Variants in GRM7 observed in about 807,000 individuals in gnomAD.
GRM7 encodes glutamate metabotropic receptor 7, also known as metabotropic glutamate receptor 7.
Under a neutral mutation model 84.5 loss-of-function variants are expected in GRM7, and 35 were observed. The observed-to-expected ratio is 0.41, with a 90% CI of 0.32 to 0.55. GRM7 has a LOEUF of 0.55. Among genes scored for constraint, GRM7 ranks in the 20% least tolerant of loss-of-function variants. GRM7 has a pLI of 0.19. For synonymous variants in GRM7, 487 were observed against 455.1 expected, an observed-to-expected ratio of 1.07 and a Z score of -0.89; for missense variants, 1,003 against 1,194.6, an observed-to-expected ratio of 0.84 and a Z score of 2.36.
At chr3:7,552,491 G>T (rs920531152) in intron 7 of GRM7, among the ~76,000 whole-genome samples, 1 of 152,208 alleles carries the variant, frequency 6.6e-6, no homozygotes, top group African/African-American at 2.4e-5. Context: ...TGCCCTAGCA[G>T]AGGTCATTCA....
chr3:6,895,607 C>T (rs1696149315), intron 1 of GRM7, among the ~76,000 whole-genome samples: 1 of 152,086 alleles, frequency 6.6e-6, no homozygotes, highest in Admixed American at 6.6e-5. Context: ...TTGTTGGATA[C>T]CAAAGACCAC....
intron 4 of GRM7, among the ~76,000 whole-genome samples, chr3:7,363,248 A>G (rs929484296): frequency 3.3e-5 from 5 of 152,044 alleles, no homozygotes; most frequent in Admixed American, 1.3e-4. Flanking sequence ...ATAACAGTCT[A>G]TGTGAATCAC....
chr3:6,909,283 G>A (rs1029885554), intron 1 of GRM7, among the ~76,000 whole-genome samples: 5 of 152,064 alleles, frequency 3.3e-5, no homozygotes, highest in African/African-American at 1.2e-4. Flanking sequence ...TTGATTGGTG[G>A]TTACTCCAAA....
intron 9 of GRM7, among the ~76,000 whole-genome samples, chr3:7,695,902 T>G (rs1700997049): frequency 6.6e-6 from 1 of 152,214 alleles, no homozygotes; most frequent in Non-Finnish European, 1.5e-5. Context: ...ACTGGATACC[T>G]GTGGCTATTT....
chr3:7,599,769 A>T (rs557091139), intron 8 of GRM7, among the ~76,000 whole-genome samples: 1 of 152,140 alleles, frequency 6.6e-6, no homozygotes, highest in Non-Finnish European at 1.5e-5. Flanking sequence ...ACCTGATATC[A>T]TGAAGCCCTA....
chr3:7,599,850 G>A (rs528911970), intron 8 of GRM7, among the ~76,000 whole-genome samples: 1 of 152,044 alleles, frequency 6.6e-6, no homozygotes, highest in Non-Finnish European at 1.5e-5. Flanking sequence ...AGACTCAGAT[G>A]TACACGGTCG....
Position 6,951,286 on chromosome 3 carries a change from T to C in GRM7, c.519+89379T>C, listed in dbSNP as rs903890740. Among the ~76,000 whole-genome samples, 8 of 152,332 alleles carry C rather than the reference T, an allele frequency of 5.3e-5. No homozygotes were observed. The South Asian group carries it at 1.7e-3, about 32-fold the overall frequency. ...CCTTTTTAAAATTTTTATACTATCA[T>C]TTCAGGCTGATTTTTATTATTTTTT... On this transcript the variant is annotated intron_variant, in intron 1 of 9. Transcript: ENST00000357716.
At chr3:7,010,985 A>C (rs1695349133) in intron 1 of GRM7, among the ~76,000 whole-genome samples, 1 of 152,190 alleles carries the variant, frequency 6.6e-6, no homozygotes. Flanking sequence ...TGAGTTGAGA[A>C]CTAGCTTGAG....
At chr3:7,291,569 T>C (rs183869036) in intron 2 of GRM7, among the ~76,000 whole-genome samples, 67 of 148,402 alleles carry the variant, frequency 4.5e-4, no homozygotes, top group African/African-American at 1.5e-3. Flanking sequence ...CCTCCGTCTG[T>C]CTATTTTTAC....
At chr3:7,467,002 A>G (rs1050900149) in intron 7 of GRM7, among the ~76,000 whole-genome samples, 2 of 152,210 alleles carry the variant, frequency 1.3e-5, no homozygotes, top group African/African-American at 4.8e-5. Flanking sequence ...ATATAAAATC[A>G]TGTATAATGA....
intron 1 of GRM7, among the ~76,000 whole-genome samples, chr3:6,864,937 T>C (rs924372135): frequency 6.6e-6 from 1 of 152,342 alleles, no homozygotes; most frequent in Non-Finnish European, 1.5e-5. Context: ...ATTGAAGACA[T>C]AAGCTTAGCA....
intron 7 of GRM7, among the ~76,000 whole-genome samples, chr3:7,472,351 T>C (rs1698736967): frequency 1.6e-5 from 2 of 121,962 alleles, no homozygotes; most frequent in Non-Finnish European, 3.0e-5. Flanking sequence ...TATGAATGTG[T>C]AAATAGGAAT....
chr3:7,416,937 C>T (rs566576183), intron 5 of GRM7, among the ~76,000 whole-genome samples: 300 of 152,148 alleles, frequency 2.0e-3, no homozygotes, highest in Admixed American at 2.8e-3. Flanking sequence ...TTCTTTCTGA[C>T]ATTTTGTGTT....
intron 8 of GRM7, among the ~76,000 whole-genome samples, chr3:7,589,590 C>T (rs548577892): frequency 6.6e-5 from 10 of 152,086 alleles, no homozygotes; most frequent in Non-Finnish European, 1.5e-4. Context: ...TAAGAGGAGA[C>T]GTCCCATATT....
intron 6 of GRM7, among the ~76,000 whole-genome samples, chr3:7,460,019 C>T (rs140594600): frequency 7.0e-5 from 10 of 143,016 alleles, no homozygotes; most frequent in Admixed American, 2.3e-4. Flanking sequence ...AGATGGATAC[C>T]GAGGCAATTT....
chr3:7,235,521 A>T (rs1242227001), intron 2 of GRM7, among the ~76,000 whole-genome samples: 1 of 152,176 alleles, frequency 6.6e-6, no homozygotes, highest in Non-Finnish European at 1.5e-5. Flanking sequence ...AACTTTAAGG[A>T]GCTATGATAG....
chr3:6,893,805 GA>G (rs1197738444), intron 1 of GRM7: 1 of 152,046 alleles, frequency 6.6e-6, no homozygotes, highest in Non-Finnish European at 1.5e-5. Flanking sequence ...ATAAGCTGTT[GA>G]AAAATTCATC....
rs111446170 is a variant in GRM7, at chr3:7,222,417, G to C, written c.736+75749G>C. Among the ~76,000 whole-genome samples, 987 of 152,110 alleles carry C rather than the reference G, an allele frequency of 6.5e-3. 13 individuals carry two copies. The highest frequency in any genetic ancestry group is 0.022 in the African/African-American group (912 of 41,504). On this transcript the variant is annotated intron_variant, in intron 2 of 9. Coordinates refer to ENST00000357716, the MANE Select transcript of GRM7 (RefSeq NM_000844.4). ...AGGGTTCCATGTACCAAGGAATGCT[G>C]GTTGCTCCAGAGGTTAAGGATATCC...
At chr3:7,588,304 C>T (rs1157509046) in intron 8 of GRM7, among the ~76,000 whole-genome samples, 2 of 152,136 alleles carry the variant, frequency 1.3e-5, no homozygotes, top group Non-Finnish European at 2.9e-5. Flanking sequence ...GAGTTCAGGG[C>T]ACATGCCACC....
Sources: gnomAD v4.1 joint callset for allele counts (sites outside exome capture counted in the v4.1 genomes callset) on GRCh38, gnomAD v4.1.1 for gene constraint, MANE v1.5 for transcripts, NCBI Gene and HGNC (gene_info 2026-07-23, HGNC 2026-07-21) for gene names.